Variants in ADGRL4 observed in about 807,000 individuals in gnomAD.
ADGRL4 encodes adhesion G protein-coupled receptor L4.
A neutral mutation model predicts 74.8 loss-of-function variants in ADGRL4; 90 were observed. The observed-to-expected ratio is 1.20, with a 90% CI of 1.02 to 1.43. The LOEUF (loss-of-function observed/expected upper bound fraction) is 1.43, where lower values mean the gene tolerates loss of function less well. Among genes scored for constraint, ADGRL4 ranks in the 40% most tolerant of loss-of-function variants. The pLI is 0.00. For missense variants in ADGRL4, 881 were observed against 814.3 expected, an observed-to-expected ratio of 1.08 and a Z score of -1.00; for synonymous variants, 311 against 279.2, an observed-to-expected ratio of 1.11 and a Z score of -1.14.
At chr1:78,967,701 C>G (rs1429248335) in intron 2 of ADGRL4, among the ~76,000 whole-genome samples, 2 of 151,974 alleles carry the variant, frequency 1.3e-5, no homozygotes, top group African/African-American at 4.8e-5. Flanking sequence ...TATGGTTTTT[C>G]TGTAAATCAA....
chr1:78,995,127 G>A (rs1650688403), intron 2 of ADGRL4, among the ~76,000 whole-genome samples: 1 of 152,114 alleles, frequency 6.6e-6, no homozygotes, highest in African/African-American at 2.4e-5. Flanking sequence ...ACATCACAGT[G>A]ACTAAACCTT....
intron 7 of ADGRL4, among the ~76,000 whole-genome samples, chr1:78,935,104 C>T (rs576752017): frequency 2.0e-5 from 3 of 152,066 alleles, no homozygotes; most frequent in African/African-American, 7.2e-5. Flanking sequence ...CACATGGGCA[C>T]GTATGTTTAT....
intron 2 of ADGRL4, among the ~76,000 whole-genome samples, chr1:78,979,908 A>G (rs1391811066): frequency 6.6e-6 from 1 of 151,890 alleles, no homozygotes; most frequent in Non-Finnish European, 1.5e-5. Context: ...GGAGGGAGAG[A>G]TGATAAAATA....
chr1:79,004,056 C>T (rs1650907729), intron 2 of ADGRL4, among the ~76,000 whole-genome samples: 1 of 151,982 alleles, frequency 6.6e-6, no homozygotes, highest in South Asian at 2.1e-4. Flanking sequence ...CATATTTAAT[C>T]TTTTTAAAGA....
chr1:78,910,834 G>A (rs1056034186), intron 12 of ADGRL4, among the ~76,000 whole-genome samples: 15 of 151,706 alleles, frequency 9.9e-5, no homozygotes, highest in Non-Finnish European at 1.9e-4. Context: ...TAAATGTAGT[G>A]ATTCATAGAT....
chr1:78,938,157 T>G lies in ADGRL4; in HGVS notation c.519A>C (p.Leu173=). The change falls in exon 5 of 15, where the codon CTA becomes CTC. Residue 173 remains leucine (L), a synonymous_variant. Coordinates refer to ENST00000370742, the MANE Select transcript of ADGRL4 (RefSeq NM_022159.4). ...IEILAESSSL[L]GYKNNTISAK... ...CTGAGATAGTGTTGTTCTTGTAACC[T>G]AGTAATGAAGATGATTCAGCTAATA... 1 of 1,612,998 alleles carries G rather than the reference T, an allele frequency of 6.2e-7. No homozygotes were observed. Among genetic ancestry groups the G allele is most frequent in the Non-Finnish European group, 8.5e-7 (1 of 1,179,586 alleles).
intron 2 of ADGRL4, among the ~76,000 whole-genome samples, chr1:78,948,099 G>A (rs1267781571): frequency 1.3e-5 from 2 of 152,230 alleles, no homozygotes; most frequent in African/African-American, 2.4e-5. Flanking sequence ...TGTGGCATCA[G>A]ATAGCTTTTT....
chr1:78,913,436 T>A (rs556151308), intron 12 of ADGRL4, among the ~76,000 whole-genome samples: 2 of 152,098 alleles, frequency 1.3e-5, no homozygotes, highest in East Asian at 3.9e-4. Context: ...TGGAATACTA[T>A]GCAGTCAGAA....
At chr1:79,006,111 AT>A (rs1650957263) in intron 1 of ADGRL4, among the ~76,000 whole-genome samples, 1 of 152,068 alleles carries the variant, frequency 6.6e-6, no homozygotes, top group South Asian at 2.1e-4. Context: ...GCATGAGGTC[AT>A]TGTTCTGAAA....
chr1:78,896,026 C>G (rs1648390341), intron 12 of ADGRL4, among the ~76,000 whole-genome samples: 1 of 151,958 alleles, frequency 6.6e-6, no homozygotes, highest in Non-Finnish European at 1.5e-5. Context: ...GAGGACAACA[C>G]AGAGAAATAA....
At chr1:79,005,009 G>A (rs902944119) in intron 2 of ADGRL4, 61 bp downstream of exon 2, 2 of 1,462,494 alleles carry the variant, frequency 1.4e-6, no homozygotes. Context: ...GGACAGAAAA[G>A]CAGTCCCATC....
intron 3 of ADGRL4, among the ~76,000 whole-genome samples, chr1:78,942,297 G>A (rs145079662): frequency 4.6e-5 from 7 of 151,544 alleles, no homozygotes; most frequent in East Asian, 1.9e-4. Flanking sequence ...ACCTGATACT[G>A]TAACTGGAAA....
chr1:78,937,725 A>T, intron 6 of ADGRL4, 82 bp downstream of exon 6: 1 of 1,258,006 alleles, frequency 7.9e-7, no homozygotes, highest in Non-Finnish European at 1.1e-6. Context: ...TTTCAACACC[A>T]TGCCTCCTAA....
At chr1:78,981,377 T>G (rs996623831) in intron 2 of ADGRL4, among the ~76,000 whole-genome samples, 4 of 152,016 alleles carry the variant, frequency 2.6e-5, no homozygotes, top group South Asian at 4.1e-4. Flanking sequence ...ATCATGCCCA[T>G]TTCATAATAT....
rs1206499339 is a variant in ADGRL4 at position 79,006,622 on chromosome 1, T to C, written c.22+11A>G. Reference sequence around the variant, plus strand: ...CGACGACCTCGGCGACCAGGGGCGCTGAGCACTCACCTAGGAGCGGGAGGC... The same window carrying C: ...CGACGACCTCGGCGACCAGGGGCGCCGAGCACTCACCTAGGAGCGGGAGGC... On this transcript the variant is annotated intron_variant, in intron 1 of 14. Coordinates refer to ENST00000370742, the MANE Select transcript of ADGRL4 (RefSeq NM_022159.4). The C allele has an allele frequency of 6.5e-7, 1 of 1,536,304 alleles. No individual in the cohort carries two copies. The highest frequency in any genetic ancestry group is 8.8e-7 in the Non-Finnish European group (1 of 1,141,858).
chr1:78,892,200 A>G (rs1418822094), intron 13 of ADGRL4, among the ~76,000 whole-genome samples: 1 of 152,178 alleles, frequency 6.6e-6, no homozygotes, highest in Non-Finnish European at 1.5e-5. Context: ...GGATATAAAA[A>G]TAGGGTTTTG....
rs1649424377 is a variant in ADGRL4 at position 78,939,208 on chromosome 1, T to TATTTGCAGCTATAAG, written c.375_376insCTTATAGCTGCAAAT (p.Asn125_Ile126insLeuIleAlaAlaAsn). 2 of 1,560,764 alleles carry TATTTGCAGCTATAAG rather than the reference T, an allele frequency of 1.3e-6. No homozygotes were observed. Among genetic ancestry groups the TATTTGCAGCTATAAG allele is most frequent in the Non-Finnish European group, 1.7e-6 (2 of 1,158,394 alleles). On this transcript the variant is annotated inframe_insertion, in exon 4 of 15. Transcript: ENST00000370742. ...CTTACTTTTGTTAAAGTTTTATTAA[T>TATTTGCAGCTATAAG]ATTTGCAGCTATACAGACATTATCT...
intron 2 of ADGRL4, among the ~76,000 whole-genome samples, chr1:78,957,542 A>G (rs546171504): frequency 6.6e-6 from 1 of 152,332 alleles, no homozygotes; most frequent in South Asian, 2.1e-4. Context: ...TTTCCTTAAG[A>G]CAAAGTCTAA....
intron 2 of ADGRL4, among the ~76,000 whole-genome samples, chr1:78,995,216 T>C (rs551399257): frequency 6.6e-6 from 1 of 152,318 alleles, no homozygotes; most frequent in South Asian, 2.1e-4. Flanking sequence ...GACCCCGGTA[T>C]AGCACTTCTC....
Sources: gnomAD v4.1 joint callset for allele counts (sites outside exome capture counted in the v4.1 genomes callset) on GRCh38, gnomAD v4.1.1 for gene constraint, MANE v1.5 for transcripts, NCBI Gene and HGNC (gene_info 2026-07-23, HGNC 2026-07-21) for gene names.